Variants in SEL1L2 observed in about 807,000 individuals in gnomAD.
SEL1L2 encodes SEL1L2 adaptor subunit of SYVN1 ubiquitin ligase.
A neutral mutation model predicts 98.8 loss-of-function variants in SEL1L2; 89 were observed. The observed-to-expected ratio is 0.90, with a 90% confidence interval of 0.76 to 1.07. The LOEUF is 1.07. SEL1L2 is among the 50% of genes least tolerant of loss of function. The probability of loss-of-function intolerance (pLI) is 0.00; values close to 1 mark genes in which losing one functional copy is unlikely to be tolerated. For missense variants in SEL1L2, 788 were observed against 812.0 expected, an observed-to-expected ratio of 0.97 and a Z score of 0.36; for synonymous variants, 262 against 278.5, an observed-to-expected ratio of 0.94 and a Z score of 0.59.
intron 4 of SEL1L2, 69 bp downstream of exon 4, chr20:13,918,952 C>T: frequency 1.9e-6 from 2 of 1,032,860 alleles, no homozygotes; most frequent in Non-Finnish European, 3.0e-6. Context: ...TGATAAACTA[C>T]ATTTGGGATT....
At chr20:13,963,062 T>A (rs1409184120) in intron 1 of SEL1L2, among the ~76,000 whole-genome samples, 3 of 60,936 alleles carry the variant, frequency 4.9e-5, no homozygotes, top group Admixed American at 2.0e-4. Flanking sequence ...CAAGACTCCA[T>A]CTCAAAAAAA....
chr20:13,947,030 A>T (rs775952138), intron 2 of SEL1L2, among the ~76,000 whole-genome samples: 49 of 152,246 alleles, frequency 3.2e-4, no homozygotes, highest in Admixed American at 7.8e-4. Flanking sequence ...TGACATGTAG[A>T]TGGCAGCAGG....
At chr20:13,969,911 G>A (rs1333751758) in intron 1 of SEL1L2, among the ~76,000 whole-genome samples, 4 of 152,074 alleles carry the variant, frequency 2.6e-5, no homozygotes, top group African/African-American at 9.6e-5. Context: ...CCCATCATCC[G>A]TTCTTGGTAC....
At position 13,959,160 on chromosome 20, in the gene SEL1L2, G is replaced by T. The variant is rs368431403; in HGVS notation, c.59-3029C>A. On this transcript the variant is annotated intron_variant, in intron 1 of 19. Transcript: ENST00000284951. ...TAAGTGGGTGCCTCATGAGCTGAAC[G>T]AAGATTTGAAAAATCATCATTTTAA... Among the ~76,000 whole-genome samples, 8 of 152,138 alleles carry T rather than the reference G, an allele frequency of 5.3e-5. No homozygotes were observed. The East Asian group carries it at 1.5e-3, about 29-fold the overall frequency.
At chr20:13,856,698 A>G (rs1436637634) in intron 18 of SEL1L2, among the ~76,000 whole-genome samples, 1 of 152,162 alleles carries the variant, frequency 6.6e-6, no homozygotes, top group Non-Finnish European at 1.5e-5. Flanking sequence ...TGATAAAAAT[A>G]ATGACCCATA....
At chr20:13,962,311 C>T (rs2050817120) in intron 1 of SEL1L2, among the ~76,000 whole-genome samples, 1 of 152,192 alleles carries the variant, frequency 6.6e-6, no homozygotes, top group Admixed American at 6.5e-5. Flanking sequence ...CTTTCTTTGA[C>T]CAACTGAAAT....
At chr20:13,908,033 G>A (rs1027762936) in intron 5 of SEL1L2, among the ~76,000 whole-genome samples, 3 of 133,560 alleles carry the variant, frequency 2.2e-5, no homozygotes, top group South Asian at 2.4e-4. Flanking sequence ...GTGATCTCCC[G>A]CCTCAGCCTC....
At chr20:13,955,148 CA>C (rs2050469035) in intron 2 of SEL1L2, among the ~76,000 whole-genome samples, 2 of 152,072 alleles carry the variant, frequency 1.3e-5, no homozygotes, top group Admixed American at 1.3e-4. Flanking sequence ...ACACCACAAA[CA>C]AAACCCTTGC....
At chr20:13,885,107 C>A (rs2046889500) in intron 10 of SEL1L2, among the ~76,000 whole-genome samples, 1 of 152,096 alleles carries the variant, frequency 6.6e-6, no homozygotes, top group African/African-American at 2.4e-5. Context: ...GGATACCCCC[C>A]TGCCTCGATT....
At chr20:13,869,461 A>G (rs768485737) in intron 14 of SEL1L2, 42 bp downstream of exon 14, 6 of 1,385,414 alleles carry the variant, frequency 4.3e-6, no homozygotes, top group Admixed American at 1.7e-5. Flanking sequence ...TTAATAATGC[A>G]TATGTCATTC....
intron 1 of SEL1L2, among the ~76,000 whole-genome samples, chr20:13,982,575 TA>T (rs915223106): frequency 7.4e-5 from 10 of 134,916 alleles, no homozygotes; most frequent in Non-Finnish European, 1.6e-4. Flanking sequence ...AACAAAAAAT[TA>T]AAAAAAAGAA....
intron 1 of SEL1L2, among the ~76,000 whole-genome samples, chr20:13,977,524 G>A (rs2148534294): frequency 6.6e-6 from 1 of 152,260 alleles, no homozygotes; most frequent in African/African-American, 2.4e-5. Flanking sequence ...CAGGTAGAAG[G>A]CTAACACTGG....
chr20:13,956,770 C>T (rs898204338), intron 1 of SEL1L2, among the ~76,000 whole-genome samples: 1 of 152,028 alleles, frequency 6.6e-6, no homozygotes, highest in Non-Finnish European at 1.5e-5. Flanking sequence ...CTTGAAATTT[C>T]TTCACTTTCT....
upstream of SEL1L2, among the ~76,000 whole-genome samples, chr20:13,990,982 T>C (rs1253133264): frequency 6.6e-6 from 1 of 152,228 alleles, no homozygotes; most frequent in Non-Finnish European, 1.5e-5. Context: ...CTCTAGGCTA[T>C]GGCGGAAAAG....
chr20:13,960,189 G>A (rs372369107), intron 1 of SEL1L2, among the ~76,000 whole-genome samples: 59 of 152,286 alleles, frequency 3.9e-4, no homozygotes, highest in African/African-American at 1.2e-3. Flanking sequence ...AATAAAATTA[G>A]AGTTAGTATG....
chr20:13,936,378 G>A (rs1415127511), intron 2 of SEL1L2, among the ~76,000 whole-genome samples: 1 of 152,172 alleles, frequency 6.6e-6, no homozygotes, highest in African/African-American at 2.4e-5. Flanking sequence ...CCCAAATTCT[G>A]CTAAGATGTA....
intron 2 of SEL1L2, among the ~76,000 whole-genome samples, chr20:13,951,276 CAAAAAAAAAAA>C (rs764034768): frequency 3.9e-5 from 1 of 25,504 alleles, no homozygotes; most frequent in African/African-American, 1.5e-4. Flanking sequence ...GACTCCGTCT[CAAAAAAAAAAA>C]AAAAAAAAAA....
chr20:13,884,730 A>G (rs1420619799), intron 10 of SEL1L2, among the ~76,000 whole-genome samples: 1 of 151,902 alleles, frequency 6.6e-6, no homozygotes, highest in Non-Finnish European at 1.5e-5. Flanking sequence ...GATGGACTCA[A>G]TATCCTGATC....
chr20:13,970,071 T>G (rs141547307), intron 1 of SEL1L2, among the ~76,000 whole-genome samples: 5 of 152,240 alleles, frequency 3.3e-5, no homozygotes, highest in African/African-American at 1.2e-4. Flanking sequence ...CTGCACAGTT[T>G]CTTAATTAAA....
Sources: allele counts gnomAD v4.1 joint callset (sites outside exome capture counted in the v4.1 genomes callset), GRCh38; gene constraint gnomAD v4.1.1; transcripts MANE v1.5; gene names NCBI Gene and HGNC (gene_info 2026-07-23, HGNC 2026-07-21).